Variants in TIAM2 observed in about 807,000 individuals in gnomAD.
The protein encoded by TIAM2 is TIAM Rac1 associated GEF 2.
TIAM2 carries 80 observed loss-of-function variants against 152.9 expected under a neutral mutation model. That is an observed-to-expected ratio of 0.52 (90% CI 0.44 to 0.63). The LOEUF (loss-of-function observed/expected upper bound fraction) is 0.63, where lower values mean the gene tolerates loss of function less well. Ranked by LOEUF, TIAM2 falls within the 30% of genes least tolerant of loss-of-function variation. The probability of loss-of-function intolerance (pLI) is 0.00; values close to 1 mark genes in which losing one functional copy is unlikely to be tolerated. For missense variants in TIAM2, 1,965 were observed against 2,120.1 expected (o/e 0.93, Z 1.44); for synonymous variants, 804 against 838.0 (o/e 0.96, Z 0.70).
chr6:155,252,223 C>T (rs1032523478), intron 23 of TIAM2, among the ~76,000 whole-genome samples: 1 of 152,194 alleles, frequency 6.6e-6, no homozygotes, highest in Non-Finnish European at 1.5e-5. Context: ...TGGCTCATGC[C>T]TGTAATCTCA....
At chr6:155,228,406 A>C (rs1357406221) in intron 15 of TIAM2, among the ~76,000 whole-genome samples, 1 of 152,202 alleles carries the variant, frequency 6.6e-6, no homozygotes, top group African/African-American at 2.4e-5. Flanking sequence ...ATATATAAAA[A>C]GAAAAAAGTC....
At chr6:155,020,279 T>C (rs1776449351) in intron 1 of TIAM2, among the ~76,000 whole-genome samples, 1 of 152,206 alleles carries the variant, frequency 6.6e-6, no homozygotes, top group African/African-American at 2.4e-5. Context: ...GAGTGATGGA[T>C]AAATATCTGT....
chr6:155,123,723 C>T lies in TIAM2; in HGVS notation c.-117-3767C>T, dbSNP rs556194590. On this transcript the variant is annotated intron_variant, in intron 2 of 26. Coordinates refer to ENST00000682666, the MANE Select transcript of TIAM2 (RefSeq NM_012454.4). ...TCGCAGTTTTGTCCGCTGGTTTTGG[C>T]GAGCTCAGGGCCTGTGCTGTGTGTG... Among the ~76,000 whole-genome samples, 39 of 152,216 alleles carry T rather than the reference C, an allele frequency of 2.6e-4. No homozygotes were observed. In the South Asian group the frequency reaches 6.2e-3, roughly 24 times the overall value.
chr6:155,016,282 A>G (rs1232180411), intron 1 of TIAM2: 1 of 152,178 alleles, frequency 6.6e-6, no homozygotes, highest in Non-Finnish European at 1.5e-5. Flanking sequence ...TCGACAGAGG[A>G]ACAGTTGGAT....
intron 26 of TIAM2, chr6:155,256,075 G>A (rs1201084563): frequency 8.4e-6 from 2 of 238,948 alleles, no homozygotes; most frequent in Non-Finnish European, 1.6e-5. Context: ...AATCCACAAG[G>A]TGAGAAGATG....
intron 1 of TIAM2, among the ~76,000 whole-genome samples, chr6:155,048,801 G>GTT (rs200879168): frequency 2.1e-5 from 3 of 144,386 alleles, no homozygotes; most frequent in African/African-American, 7.6e-5. Flanking sequence ...TCCACTCTTT[G>GTT]TTTTTTTTTT....
At chr6:155,143,411 C>G (rs138845881) in intron 5 of TIAM2, among the ~76,000 whole-genome samples, 8 of 152,092 alleles carry the variant, frequency 5.3e-5, no homozygotes, top group Non-Finnish European at 1.2e-4. Flanking sequence ...TTTAGAGTAA[C>G]GTTTGAAAAT....
intron 2 of TIAM2, among the ~76,000 whole-genome samples, chr6:155,114,009 TTACTTTA>T (rs1371571819): frequency 9.1e-4 from 102 of 111,962 alleles, no homozygotes; most frequent in African/African-American, 3.2e-3. Flanking sequence ...ATTTTATACT[TTACTTTA>T]TATATATATA....
chr6:155,159,447 A>G (rs926538189), intron 7 of TIAM2, among the ~76,000 whole-genome samples: 1 of 152,204 alleles, frequency 6.6e-6, no homozygotes, highest in African/African-American at 2.4e-5. Context: ...TGTTGTTCAC[A>G]TCAGAATCGG....
In TIAM2 at chr6:155,156,303, G is replaced by A. The variant is rs1005663644; in HGVS notation, c.2028+7969G>A. 6.6e-6 allele frequency among the ~76,000 whole-genome samples: 1 copy of A among 152,112 alleles called. No homozygotes were observed. Among genetic ancestry groups the A allele is most frequent in the Non-Finnish European group, 1.5e-5 (1 of 68,022 alleles). On this transcript the variant is annotated intron_variant, in intron 7 of 26. Transcript: ENST00000682666. The surrounding 1 kb of genome is among the most constrained non-coding windows in gnomAD (Gnocchi z 4.4). ...TCCCGGTACCACTGCAGAAGCCTCC[G>A]GTTTCGCCCTTCGTCTGATGCATCT...
intron 7 of TIAM2, among the ~76,000 whole-genome samples, chr6:155,150,955 A>G (rs1038959997): frequency 2.0e-5 from 3 of 152,184 alleles, no homozygotes; most frequent in Admixed American, 2.0e-4. Context: ...AGTTCTTAAC[A>G]GATATTGGTA....
intron 2 of TIAM2, among the ~76,000 whole-genome samples, chr6:155,092,625 G>GC (rs1463161706): frequency 1.3e-5 from 2 of 152,040 alleles, no homozygotes; most frequent in African/African-American, 4.8e-5. Context: ...GGAGGCTGAG[G>GC]CAGGCGGATC....
intron 2 of TIAM2, among the ~76,000 whole-genome samples, chr6:155,100,378 G>A (rs1397099477): frequency 6.6e-6 from 1 of 152,222 alleles, no homozygotes; most frequent in South Asian, 2.1e-4. Context: ...AATGGTGGGG[G>A]ATCTTTAAGC....
At chr6:155,222,412 C>G (rs552006915) in intron 15 of TIAM2, among the ~76,000 whole-genome samples, 2 of 151,556 alleles carry the variant, frequency 1.3e-5, no homozygotes, top group South Asian at 2.1e-4. Context: ...ACCAGCCTGG[C>G]CAACATGGTG....
chr6:155,123,980 T>TG (rs1368552493), intron 2 of TIAM2, among the ~76,000 whole-genome samples: 1 of 152,188 alleles, frequency 6.6e-6, no homozygotes, highest in Non-Finnish European at 1.5e-5. Flanking sequence ...CAGCTCAGGC[T>TG]TTGAACTTTA....
chr6:155,227,759 A>G (rs1304606399), intron 15 of TIAM2, among the ~76,000 whole-genome samples: 1 of 152,162 alleles, frequency 6.6e-6, no homozygotes, highest in African/African-American at 2.4e-5. Context: ...GACAAGAGGA[A>G]TCTGTGAGGA....
In TIAM2 at chr6:155,129,941, G is replaced by A; in HGVS notation, c.718G>A (p.Gly240Ser). Residue 240 changes from glycine (G) to serine (S), a missense_variant, in exon 4 of 27, where the codon GGC becomes AGC. This residue lies in a region of TIAM2 where 1,025 missense variants were observed against 1,119.4 expected (regional missense o/e 0.92). Transcript: ENST00000682666. The surrounding 1 kb of genome is among the most constrained non-coding windows in gnomAD (Gnocchi z 4.8). ...PTDSRLRSSK[G>S]SSLSSESSWY... ...GGACTCTCGCCTGCGGTCCAGCAAA[G>A]GCAGCTCCCTGAGTTCTGAGTCATC... 1.2e-6 allele frequency: 2 copies of A among 1,614,032 alleles called. No homozygotes were observed. The highest frequency in any genetic ancestry group is 1.3e-5 in the African/African-American group (1 of 75,044).
At chr6:155,146,221 C>T (rs78328661) in intron 6 of TIAM2, among the ~76,000 whole-genome samples, 4,610 of 151,992 alleles carry the variant, frequency 0.03, 82 homozygotes, top group African/African-American at 0.037. Flanking sequence ...TACGAAAGAA[C>T]AATAAAAAAA....
intron 24 of TIAM2, 169 bp from the exon 25 acceptor site, chr6:155,253,804 A>G: frequency 1.8e-6 from 1 of 551,004 alleles, no homozygotes; most frequent in Non-Finnish European, 3.2e-6. Flanking sequence ...AAGGCATTTC[A>G]GTTCTTGTAA....
Sources: allele counts gnomAD v4.1 joint callset (sites outside exome capture counted in the v4.1 genomes callset), GRCh38; gene constraint gnomAD v4.1.1; regional missense constraint gnomAD v4.1.1; non-coding constraint Gnocchi (gnomAD v3.1); transcripts MANE v1.5; gene names NCBI Gene and HGNC (gene_info 2026-07-23, HGNC 2026-07-21).